Variants in RTN4 observed in about 807,000 individuals in gnomAD.
RTN4 encodes the protein reticulon-4.
Under a neutral mutation model 90.4 loss-of-function variants are expected in RTN4, and 32 were observed. That is an observed-to-expected ratio of 0.35 (90% CI 0.27 to 0.48). The LOEUF is 0.48. Ranked by LOEUF, RTN4 falls within the 20% of genes least tolerant of loss-of-function variation. The pLI is 0.99. For synonymous variants in RTN4, 629 were observed against 552.5 expected, an observed-to-expected ratio of 1.14 and a Z score of -1.94; for missense variants, 1,706 against 1,430.2, an observed-to-expected ratio of 1.19 and a Z score of -3.11.
chr2:55,073,488 G>A (rs1439396147), intron 2 of RTN4, among the ~76,000 whole-genome samples: 3 of 152,144 alleles, frequency 2.0e-5, no homozygotes, highest in African/African-American at 7.2e-5. Context: ...AGAGAATTTG[G>A]CAGCAAGTTG....
At chr2:55,098,054 C>T (rs1573515728) in intron 1 of RTN4, among the ~76,000 whole-genome samples, 2 of 152,180 alleles carry the variant, frequency 1.3e-5, no homozygotes, top group South Asian at 2.1e-4. Context: ...CTGTTACTAT[C>T]CTAGATGGAA....
intron 1 of RTN4, among the ~76,000 whole-genome samples, chr2:55,081,690 T>A (rs1236433996): frequency 1.3e-5 from 2 of 151,840 alleles, no homozygotes; most frequent in Non-Finnish European, 2.9e-5. Context: ...TAATGAGACC[T>A]CATCTCTCAA....
chr2:55,098,809 C>T lies in RTN4; in HGVS notation c.-214+13711G>A, dbSNP rs181233653. ...TATTGACGAAATCAGGTCATTTGTT[C>T]CGTAGAGTTTCTCATAGTCTAGTTT... is the stretch of plus-strand genomic sequence containing the variant. On this transcript the variant is annotated intron_variant, in intron 1 of 3. Coordinates refer to the RTN4 transcript ENST00000427710. Among the ~76,000 whole-genome samples the T allele has an allele frequency of 2.2e-3, 339 of 152,188 alleles. 2 individuals carry two copies. The highest frequency in any genetic ancestry group is 3.9e-3 in the Admixed American group (59 of 15,266).
chr2:54,973,571 A>G lies in RTN4; in HGVS notation c.3528T>C (p.Ala1176=). 6.2e-7 allele frequency: 1 copy of G among 1,607,278 alleles called. No homozygotes were observed. The highest frequency in any genetic ancestry group is 8.5e-7 in the Non-Finnish European group (1 of 1,173,872). Residue 1176 remains alanine, a synonymous_variant, in exon 8 of 9, where the codon GCT becomes GCC. Coordinates refer to ENST00000337526, the MANE Select transcript of RTN4 (RefSeq NM_020532.5). ...LGLANKNVKD[A]MAKIQAKIPG... ...AGATTTTAAATACTTACTTAGCCAT[A>G]GCATCTTTAACATTCTTATTTGCAA...
intron 1 of RTN4, chr2:55,049,538 G>T: frequency 1.2e-6 from 1 of 800,232 alleles, no homozygotes; most frequent in South Asian, 1.5e-5. Flanking sequence ...CCGAAACCAA[G>T]ACGGACAATA....
At chr2:55,036,798 T>C (rs1231260039) in intron 1 of RTN4, among the ~76,000 whole-genome samples, 1 of 152,070 alleles carries the variant, frequency 6.6e-6, no homozygotes, top group Non-Finnish European at 1.5e-5. Flanking sequence ...AAGGAAGCTT[T>C]CTCAACCTAA....
At chr2:55,052,713 A>G (rs796630911), upstream of RTN4, among the ~76,000 whole-genome samples, 18 of 152,326 alleles carry the variant, frequency 1.2e-4, no homozygotes, top group African/African-American at 4.3e-4. Context: ...ATTATAAAAA[A>G]TTTGCCTGAT....
chr2:55,076,389 C>CTTT (rs58070912), intron 2 of RTN4, among the ~76,000 whole-genome samples: 4 of 64,630 alleles, frequency 6.2e-5, no homozygotes, highest in South Asian at 8.2e-4. Context: ...TTCTTTTGTT[C>CTTT]TTTTTTTTTT....
chr2:55,078,193 A>T (rs541394909), intron 2 of RTN4, among the ~76,000 whole-genome samples: 2 of 152,200 alleles, frequency 1.3e-5, no homozygotes, highest in East Asian at 1.9e-4. Flanking sequence ...AAAAAAATTT[A>T]AAAGAAAGAA....
At chr2:55,097,363 T>G (rs1223602318) in intron 1 of RTN4, among the ~76,000 whole-genome samples, 1 of 151,574 alleles carries the variant, frequency 6.6e-6, no homozygotes, top group Non-Finnish European at 1.5e-5. Flanking sequence ...TTTCTGGGGT[T>G]GGGGGGAAAG....
At chr2:55,110,721 A>T (rs1345507892) in intron 1 of RTN4, among the ~76,000 whole-genome samples, 1 of 152,190 alleles carries the variant, frequency 6.6e-6, no homozygotes, top group Non-Finnish European at 1.5e-5. Context: ...GCCAACCTCA[A>T]ATCAGGAAAA....
intron 2 of RTN4, among the ~76,000 whole-genome samples, chr2:55,062,232 T>A (rs2105005135): frequency 6.6e-6 from 1 of 151,896 alleles, no homozygotes; most frequent in East Asian, 1.9e-4. Flanking sequence ...CAAACCCACA[T>A]GAGATCCAAT....
At position 54,973,139 on chromosome 2, in the gene RTN4, AATT is replaced by A. The variant is rs763587126; in HGVS notation, c.*14_*16del. On this transcript the variant is annotated 3_prime_UTR_variant, in exon 9 of 9. Coordinates refer to ENST00000337526, the MANE Select transcript of RTN4 (RefSeq NM_020532.5). ...TCCCCTTTAAAGATGAACTCCTACT[AATT>A]ATTTTGGGCGTTTTCATTCAGCTTT... 1 of 1,598,220 alleles carries A rather than the reference AATT, an allele frequency of 6.3e-7. No homozygotes were observed.
the RTN4 span, among the ~76,000 whole-genome samples, chr2:55,135,008 C>T: frequency 6.6e-6 from 1 of 152,072 alleles, no homozygotes. Flanking sequence ...GTGGCTCACA[C>T]CTACAATTCC....
At chr2:54,997,084 C>T (rs1043790659) in intron 3 of RTN4, among the ~76,000 whole-genome samples, 1 of 152,048 alleles carries the variant, frequency 6.6e-6, no homozygotes, top group African/African-American at 2.4e-5. Context: ...GGAAAGATAC[C>T]ACACAGAACG....
chr2:54,984,726 G>C (rs547781428), intron 4 of RTN4, among the ~76,000 whole-genome samples: 1 of 152,286 alleles, frequency 6.6e-6, no homozygotes, highest in South Asian at 2.1e-4. Flanking sequence ...ATGATTAAGG[G>C]GTACTAGGAA....
chr2:55,012,821 C>T (rs1680741046), intron 3 of RTN4, among the ~76,000 whole-genome samples: 1 of 152,084 alleles, frequency 6.6e-6, no homozygotes. Flanking sequence ...ATTGTCGTTG[C>T]TGTATAGTTC....
At chr2:55,070,788 G>GT (rs1318523261) in intron 2 of RTN4, among the ~76,000 whole-genome samples, 3 of 145,650 alleles carry the variant, frequency 2.1e-5, no homozygotes, top group Non-Finnish European at 4.6e-5. Context: ...TTTGTTTTTC[G>GT]TTTTTTTTGA....
At chr2:55,104,897 C>T (rs376435856) in intron 1 of RTN4, among the ~76,000 whole-genome samples, 1 of 151,946 alleles carries the variant, frequency 6.6e-6, no homozygotes, top group Non-Finnish European at 1.5e-5. Flanking sequence ...ACCTCAACCT[C>T]TCGGGCTCAA....
Sources: gnomAD v4.1 joint callset for allele counts (sites outside exome capture counted in the v4.1 genomes callset) on GRCh38, gnomAD v4.1.1 for gene constraint, MANE v1.5 for transcripts, NCBI Gene and HGNC (gene_info 2026-07-23, HGNC 2026-07-21) for gene names.